Variants in KCNH5 observed in about 807,000 individuals in gnomAD.
KCNH5 encodes the protein potassium voltage-gated channel subfamily H member 5, also known as voltage-gated delayed rectifier potassium channel KCNH5.
Under a neutral mutation model 96.1 loss-of-function variants are expected in KCNH5, and 46 were observed. The observed-to-expected ratio is 0.48, with a 90% CI of 0.38 to 0.61. The LOEUF (loss-of-function observed/expected upper bound fraction) is 0.61. KCNH5 is among the 20% of genes least tolerant of loss of function. The pLI, the probability that KCNH5 is intolerant of heterozygous loss-of-function variation, is 0.00. For missense variants in KCNH5, 907 were observed against 1,225.8 expected (o/e 0.74, Z 3.88); for synonymous variants, 439 against 449.8 (o/e 0.98, Z 0.30).
chr14:62,742,150 G>A (rs1885283909), intron 10 of KCNH5, among the ~76,000 whole-genome samples: 1 of 152,156 alleles, frequency 6.6e-6, no homozygotes, highest in South Asian at 2.1e-4. Context: ...GATAACTAAC[G>A]TCCTAAGTAG....
At chr14:62,843,039 C>T (rs939650668) in intron 8 of KCNH5, among the ~76,000 whole-genome samples, 1 of 152,126 alleles carries the variant, frequency 6.6e-6, no homozygotes, top group African/African-American at 2.4e-5. Flanking sequence ...TGAATTTCCT[C>T]CTGAAACAGA....
chr14:62,936,739 C>T (rs747138435), intron 7 of KCNH5, among the ~76,000 whole-genome samples: 4 of 146,926 alleles, frequency 2.7e-5, no homozygotes, highest in African/African-American at 5.0e-5. Context: ...GCACTTTGGG[C>T]GGCCAAGGCA....
chr14:62,784,031 T>C (rs980288843), intron 9 of KCNH5, among the ~76,000 whole-genome samples: 5 of 152,006 alleles, frequency 3.3e-5, no homozygotes, highest in Non-Finnish European at 7.4e-5. Flanking sequence ...ATTCTCACAC[T>C]GCTAATAAAG....
chr14:62,971,645 G>A (rs1163882580), intron 6 of KCNH5, among the ~76,000 whole-genome samples: 1 of 126,856 alleles, frequency 7.9e-6, no homozygotes, highest in Non-Finnish European at 1.7e-5. Flanking sequence ...TATGGTATTG[G>A]AGAAAAAATA....
At chr14:62,764,794 C>A (rs1412044883) in intron 10 of KCNH5, among the ~76,000 whole-genome samples, 4 of 152,012 alleles carry the variant, frequency 2.6e-5, no homozygotes, top group Non-Finnish European at 5.9e-5. Context: ...AAATAAAGTA[C>A]CCAAAAACAC....
At chr14:62,762,363 C>T (rs1488961466) in intron 10 of KCNH5, among the ~76,000 whole-genome samples, 1 of 152,164 alleles carries the variant, frequency 6.6e-6, no homozygotes, top group African/African-American at 2.4e-5. Flanking sequence ...CTTGAATGCC[C>T]AGATGGGCCA....
In KCNH5 at chr14:62,990,278, T is replaced by C. The variant is rs568892697; in HGVS notation, c.434-3091A>G. The stretch of plus-strand genomic sequence containing the variant: ...ATATGACAATGAAAGCTTATTGTCA[T>C]CCTCTGGCTTTCCATTTGAAGCATC... On this transcript the variant is annotated intron_variant, in intron 4 of 10. Coordinates refer to ENST00000322893, the MANE Select transcript of KCNH5 (RefSeq NM_139318.5). Among the ~76,000 whole-genome samples, 18 of 152,138 alleles carry C rather than the reference T, an allele frequency of 1.2e-4. 1 individual carries two copies. Among genetic ancestry groups the C allele is most frequent in the African/African-American group, 4.3e-4 (18 of 41,532 alleles).
chr14:62,708,952 T>C (rs976908945), intron 10 of KCNH5, among the ~76,000 whole-genome samples: 1 of 152,184 alleles, frequency 6.6e-6, no homozygotes. Flanking sequence ...ATTTTTAATA[T>C]TATCCTCTGT....
At chr14:63,020,471 C>T (rs1478194859) in intron 1 of KCNH5, among the ~76,000 whole-genome samples, 4 of 151,992 alleles carry the variant, frequency 2.6e-5, no homozygotes, top group Admixed American at 2.6e-4. Flanking sequence ...CTACTCAGCT[C>T]TAAAATGGAA....
intron 6 of KCNH5, among the ~76,000 whole-genome samples, chr14:62,952,108 A>G (rs1890019014): frequency 6.6e-6 from 1 of 152,198 alleles, no homozygotes; most frequent in South Asian, 2.1e-4. Flanking sequence ...AAGAGTCCCT[A>G]TAGAAACAAA....
chr14:62,757,974 C>T (rs1885661544), intron 10 of KCNH5, among the ~76,000 whole-genome samples: 2 of 151,978 alleles, frequency 1.3e-5, no homozygotes, highest in African/African-American at 2.4e-5. Context: ...GGCAAAACCC[C>T]CTTTCTACTA....
intron 7 of KCNH5, among the ~76,000 whole-genome samples, chr14:62,892,774 G>A (rs1296068516): frequency 6.6e-6 from 1 of 152,074 alleles, no homozygotes; most frequent in Non-Finnish European, 1.5e-5. Flanking sequence ...CTATAAATGG[G>A]ACAACAAAGC....
chr14:62,896,176 A>G (rs1172142937), intron 7 of KCNH5, among the ~76,000 whole-genome samples: 1 of 152,210 alleles, frequency 6.6e-6, no homozygotes, highest in Non-Finnish European at 1.5e-5. Context: ...AGCAGCAGCA[A>G]TAGTCATCAG....
Position 62,906,094 on chromosome 14 carries a change from T to C in KCNH5, c.1369+44039A>G, listed in dbSNP as rs1889021248. Among the ~76,000 whole-genome samples the C allele has an allele frequency of 2.6e-5, 4 of 152,248 alleles. No individual in the cohort carries two copies. The South Asian group carries it at 8.3e-4, about 31-fold the overall frequency. The stretch of plus-strand genomic sequence containing the variant: ...AACTGCATAGGGTTTTCTCAGCATT[T>C]TAATATCTAGACCACAATCACTGTT... On this transcript the variant is annotated intron_variant, in intron 7 of 10. Coordinates refer to ENST00000322893, the MANE Select transcript of KCNH5 (RefSeq NM_139318.5).
At chr14:62,801,649 C>T (rs1463177652) in intron 9 of KCNH5, among the ~76,000 whole-genome samples, 1 of 151,730 alleles carries the variant, frequency 6.6e-6, no homozygotes, top group African/African-American at 2.4e-5. Context: ...ATTCTAAATT[C>T]TAAAATGCTC....
intron 9 of KCNH5, among the ~76,000 whole-genome samples, chr14:62,798,245 A>C (rs1418949639): frequency 6.6e-6 from 1 of 152,226 alleles, no homozygotes; most frequent in Non-Finnish European, 1.5e-5. Context: ...AGATTGTCTT[A>C]GTTTAATAAT....
At chr14:62,954,106 C>G (rs965278806) in intron 6 of KCNH5, among the ~76,000 whole-genome samples, 1 of 152,136 alleles carries the variant, frequency 6.6e-6, no homozygotes, top group African/African-American at 2.4e-5. Flanking sequence ...CCAGAATGTC[C>G]ATGCTGTTTC....
At chr14:62,810,720 C>T (rs1421253166) in intron 8 of KCNH5, among the ~76,000 whole-genome samples, 2 of 152,058 alleles carry the variant, frequency 1.3e-5, no homozygotes, top group Non-Finnish European at 2.9e-5. Context: ...ATAATCCACC[C>T]CTTGTTTAGA....
chr14:62,796,437 A>T (rs1350795607), intron 9 of KCNH5, among the ~76,000 whole-genome samples: 1 of 152,130 alleles, frequency 6.6e-6, no homozygotes, highest in South Asian at 2.1e-4. Context: ...CTTTTTCCCA[A>T]CCCCATAACA....
Sources: allele counts gnomAD v4.1 joint callset (sites outside exome capture counted in the v4.1 genomes callset), GRCh38; gene constraint gnomAD v4.1.1; transcripts MANE v1.5; gene names NCBI Gene and HGNC (gene_info 2026-07-23, HGNC 2026-07-21).